Variants in KIAA1328 observed in about 807,000 individuals in gnomAD.
The protein encoded by KIAA1328 is KIAA1328, also known as protein hinderin.
KIAA1328 carries 52 observed loss-of-function variants against 68.1 expected under a neutral mutation model. That is an observed-to-expected ratio of 0.76 (90% CI 0.61 to 0.96). The LOEUF (loss-of-function observed/expected upper bound fraction) is 0.96, where lower values mean the gene tolerates loss of function less well. Ranked by LOEUF, KIAA1328 falls within the 40% of genes least tolerant of loss-of-function variation. The pLI, the probability that KIAA1328 is intolerant of heterozygous loss-of-function variation, is 0.00. For missense variants in KIAA1328, 641 were observed against 677.6 expected (o/e 0.95, Z 0.60); for synonymous variants, 232 against 239.4 (o/e 0.97, Z 0.28).
At chr18:37,058,059 C>T (rs538147600) in intron 6 of KIAA1328, among the ~76,000 whole-genome samples, 5 of 152,206 alleles carry the variant, frequency 3.3e-5, no homozygotes, top group East Asian at 1.9e-4. Context: ...ACAGACAACA[C>T]GACAGAGAAG....
chr18:36,829,432 C>T, intron 1 of KIAA1328: 1 of 1,322,078 alleles, frequency 7.6e-7, no homozygotes, highest in African/African-American at 1.5e-5. Context: ...TCCCAGCGCT[C>T]ACTACCGGTG....
chr18:37,066,288 TTA>T (rs1218169833), intron 6 of KIAA1328, among the ~76,000 whole-genome samples: 2 of 152,214 alleles, frequency 1.3e-5, no homozygotes, highest in Admixed American at 1.3e-4. Context: ...GAAAAATCAC[TTA>T]TGTTTGTAGA....
At chr18:37,210,655 C>G (rs1361564451) in intron 9 of KIAA1328, among the ~76,000 whole-genome samples, 1 of 152,178 alleles carries the variant, frequency 6.6e-6, no homozygotes, top group Non-Finnish European at 1.5e-5. Flanking sequence ...TCACATGTCT[C>G]CTTAGCAGAG....
At chr18:37,229,640 C>T (rs888274971), downstream of KIAA1328, 50 of 1,004,042 alleles carry the variant, frequency 5.0e-5, no homozygotes, top group Admixed American at 3.5e-4. Context: ...TTTGGGAGGC[C>T]GAGGCAGCCG....
intron 7 of KIAA1328, among the ~76,000 whole-genome samples, chr18:37,159,049 T>A (rs962766511): frequency 6.7e-5 from 10 of 148,936 alleles, no homozygotes; most frequent in Non-Finnish European, 1.5e-4. Flanking sequence ...TGTTCTGATT[T>A]AAAAAAAAAA....
chr18:36,935,972 G>A (rs1330711319), intron 5 of KIAA1328, among the ~76,000 whole-genome samples: 1 of 152,094 alleles, frequency 6.6e-6, no homozygotes. Context: ...TTCTTCTATG[G>A]ATTTTAATTA....
intron 6 of KIAA1328, among the ~76,000 whole-genome samples, chr18:36,991,271 T>C (rs2053167075): frequency 6.6e-6 from 1 of 152,174 alleles, no homozygotes; most frequent in East Asian, 1.9e-4. Flanking sequence ...TTCTGTTAGA[T>C]TTAACATGGT....
chr18:37,215,531 G>A (rs1004524714), intron 9 of KIAA1328, among the ~76,000 whole-genome samples: 12 of 152,158 alleles, frequency 7.9e-5, no homozygotes, highest in Admixed American at 3.3e-4. Flanking sequence ...TTTTTGATGC[G>A]CTGCTGGATT....
At chr18:37,081,652 A>G (rs1389079009) in intron 7 of KIAA1328, among the ~76,000 whole-genome samples, 4 of 152,196 alleles carry the variant, frequency 2.6e-5, no homozygotes, top group Non-Finnish European at 5.9e-5. Flanking sequence ...GAAGCCTTTT[A>G]TAATTTGGAA....
intron 6 of KIAA1328, among the ~76,000 whole-genome samples, chr18:37,025,552 G>A (rs1461749801): frequency 2.0e-5 from 3 of 152,040 alleles, no homozygotes; most frequent in African/African-American, 4.8e-5. Context: ...TCAAACTAGA[G>A]CTCAGGATTA....
chr18:37,222,547 T>G lies in KIAA1328; in HGVS notation c.*320T>G. On this transcript the variant is annotated 3_prime_UTR_variant, in exon 10 of 10. Coordinates refer to ENST00000280020, the MANE Select transcript of KIAA1328 (RefSeq NM_020776.3). ...TCAGCCTCATTTCAAGAGTGTTTCC[T>G]TCTCAAACTTCTGCTAGAAAATGCT... 1 of 1,103,958 alleles carries G rather than the reference T, an allele frequency of 9.1e-7. No individual in the cohort carries two copies. The highest frequency in any genetic ancestry group is 1.1e-6 in the Non-Finnish European group (1 of 903,968). 68.4% of individuals were successfully genotyped at this position (1,103,958 alleles called of 1,614,324 possible). A position where few individuals can be genotyped will look rare whatever the true frequency, so the allele number is the denominator to read the frequency against.
intron 6 of KIAA1328, among the ~76,000 whole-genome samples, chr18:37,044,866 G>C (rs1417547480): frequency 6.6e-6 from 1 of 150,948 alleles, no homozygotes; most frequent in Non-Finnish European, 1.5e-5. Context: ...TAGCAGCAAA[G>C]TTTCACACTT....
intron 7 of KIAA1328, among the ~76,000 whole-genome samples, chr18:37,097,933 G>A (rs970192135): frequency 6.6e-6 from 1 of 152,152 alleles, no homozygotes; most frequent in Non-Finnish European, 1.5e-5. Context: ...TGTATCCTGA[G>A]ACTTTGCTGA....
chr18:36,858,890 T>C (rs976116644), intron 4 of KIAA1328, among the ~76,000 whole-genome samples: 8 of 152,240 alleles, frequency 5.3e-5, no homozygotes, highest in Non-Finnish European at 1.0e-4. Flanking sequence ...ATGGTTGCCT[T>C]TTCTTACACT....
At chr18:36,929,719 C>G (rs1233908793) in intron 5 of KIAA1328, among the ~76,000 whole-genome samples, 1 of 152,022 alleles carries the variant, frequency 6.6e-6, no homozygotes, top group Non-Finnish European at 1.5e-5. Flanking sequence ...CTCTCTAGCC[C>G]TCTTTCTCTG....
At chr18:37,100,955 G>C in intron 7 of KIAA1328, among the ~76,000 whole-genome samples, 1 of 152,150 alleles carries the variant, frequency 6.6e-6, no homozygotes, top group East Asian at 1.9e-4. Flanking sequence ...CTGCAGCTGA[G>C]GGTCCTGACT....
intron 5 of KIAA1328, among the ~76,000 whole-genome samples, chr18:36,920,387 T>C (rs762288764): frequency 6.6e-6 from 1 of 152,216 alleles, no homozygotes. Flanking sequence ...CTGTGTTCTC[T>C]ATCCAGTTCC....
downstream of KIAA1328, chr18:37,231,902 C>T (rs77498631): frequency 0.012 from 1,861 of 152,392 alleles, 14 homozygotes; most frequent in Non-Finnish European, 0.02. Context: ...GGAGGGGAGA[C>T]TGGCTCTCAC....
chr18:36,936,669 A>C (rs1216286952), intron 5 of KIAA1328, among the ~76,000 whole-genome samples: 2 of 152,182 alleles, frequency 1.3e-5, no homozygotes, highest in African/African-American at 4.8e-5. Flanking sequence ...TTCTGGTTCT[A>C]GACCCTTGAG....
Sources: gnomAD v4.1 joint callset for allele counts (sites outside exome capture counted in the v4.1 genomes callset) on GRCh38, gnomAD v4.1.1 for gene constraint, MANE v1.5 for transcripts, NCBI Gene and HGNC (gene_info 2026-07-23, HGNC 2026-07-21) for gene names.